Variants in CNTLN observed in about 807,000 individuals in gnomAD.
CNTLN encodes centlein, centrosomal protein.
A neutral mutation model predicts 180.0 loss-of-function variants in CNTLN; 212 were observed. The observed-to-expected ratio is 1.18, with a 90% CI of 1.05 to 1.32. The LOEUF (loss-of-function observed/expected upper bound fraction) is 1.32. Ranked by LOEUF, CNTLN falls within the 40% of genes most tolerant of loss-of-function variation. The probability of loss-of-function intolerance (pLI) is 0.00; values close to 1 mark genes in which losing one functional copy is unlikely to be tolerated. For synonymous variants in CNTLN, 722 were observed against 563.1 expected, an observed-to-expected ratio of 1.28 and a Z score of -3.99; for missense variants, 2,095 against 1,610.9, an observed-to-expected ratio of 1.30 and a Z score of -5.14.
intron 18 of CNTLN, among the ~76,000 whole-genome samples, chr9:17,418,342 C>T (rs1252545590): frequency 1.3e-5 from 2 of 151,904 alleles, no homozygotes; most frequent in Admixed American, 1.3e-4. Flanking sequence ...ACTTAGAATT[C>T]TCTACTGATA....
chr9:17,468,086 T>C (rs568524266), intron 23 of CNTLN, among the ~76,000 whole-genome samples: 27 of 151,648 alleles, frequency 1.8e-4, no homozygotes, highest in Non-Finnish European at 3.7e-4. Context: ...TCAAGTCCTT[T>C]GCAGCAACTT....
At chr9:17,521,076 A>C in the CNTLN span, among the ~76,000 whole-genome samples, 102 of 152,316 alleles carry the variant, frequency 6.7e-4, no homozygotes, top group African/African-American at 2.4e-3. Context: ...TTTATCTGTA[A>C]GTAATCTAAC....
chr9:17,381,424 C>T (rs1237675583), intron 13 of CNTLN, among the ~76,000 whole-genome samples: 3 of 152,210 alleles, frequency 2.0e-5, no homozygotes, highest in Non-Finnish European at 4.4e-5. Context: ...CCTCCTCACT[C>T]AGTATAAAAT....
chr9:17,271,382 C>G (rs1330562510), intron 5 of CNTLN, among the ~76,000 whole-genome samples: 1 of 152,154 alleles, frequency 6.6e-6, no homozygotes, highest in Non-Finnish European at 1.5e-5. Context: ...ACCACCTGTA[C>G]TAAGGGGTGC....
chr9:17,441,703 A>G (rs1027663383), intron 18 of CNTLN, among the ~76,000 whole-genome samples: 2 of 152,144 alleles, frequency 1.3e-5, no homozygotes, highest in African/African-American at 4.8e-5. Flanking sequence ...TTTTTTCACC[A>G]TCAGTAATTA....
intron 25 of CNTLN, among the ~76,000 whole-genome samples, chr9:17,493,153 G>A (rs1322153081): frequency 6.6e-6 from 1 of 152,132 alleles, no homozygotes; most frequent in Admixed American, 6.5e-5. Flanking sequence ...GATAGAGGTG[G>A]TGATGGTTAC....
At chr9:17,169,671 G>T (rs534061754) in intron 2 of CNTLN, among the ~76,000 whole-genome samples, 15 of 152,082 alleles carry the variant, frequency 9.9e-5, no homozygotes, top group African/African-American at 3.4e-4. Flanking sequence ...TTTGCACATT[G>T]TGTATTCTTG....
chr9:17,335,044 A>G (rs933818066), intron 10 of CNTLN, among the ~76,000 whole-genome samples: 2 of 152,200 alleles, frequency 1.3e-5, no homozygotes, highest in Non-Finnish European at 2.9e-5. Flanking sequence ...TTCAAGTCAG[A>G]AGGCAAGAGA....
Position 17,342,376 on chromosome 9 carries a change from A to C in CNTLN, c.1818A>C (p.Glu606Asp). The change falls in exon 12 of 26, where the codon GAA becomes GAC. Residue 606 changes from glutamate to aspartate, a missense_variant. Transcript: ENST00000380647. ...CAGATCCCCAACAACTTCGACAAGA[A>C]GATTCTGACGCTGTGTGGAATGAAC... ...KRADPQQLRQ[E>D]DSDAVWNELA... is the part of the protein sequence containing the mutation. 1 of 1,612,408 alleles carries C rather than the reference A, an allele frequency of 6.2e-7. No individual in the cohort carries two copies.
intron 7 of CNTLN, 147 bp downstream of exon 7, chr9:17,298,499 C>T: frequency 7.5e-7 from 1 of 1,325,728 alleles, no homozygotes; most frequent in Non-Finnish European, 9.7e-7. Flanking sequence ...AAGGATGGTT[C>T]AATTTGATAA....
At chr9:17,166,450 T>C (rs1179369583) in intron 2 of CNTLN, among the ~76,000 whole-genome samples, 2 of 152,114 alleles carry the variant, frequency 1.3e-5, no homozygotes, top group Non-Finnish European at 2.9e-5. Context: ...TTAAAGGAAG[T>C]AATTCAAGAA....
chr9:17,240,242 T>C (rs1825402181), intron 5 of CNTLN, among the ~76,000 whole-genome samples: 1 of 152,194 alleles, frequency 6.6e-6, no homozygotes, highest in South Asian at 2.1e-4. Flanking sequence ...GTTTTAAATT[T>C]TCTCTTCAGA....
intron 18 of CNTLN, among the ~76,000 whole-genome samples, chr9:17,435,847 G>A (rs1041627277): frequency 3.9e-5 from 6 of 152,264 alleles, no homozygotes; most frequent in African/African-American, 1.2e-4. Context: ...ACACGTGTAA[G>A]CCATCGTGCC....
At chr9:17,357,604 TATATATATAAATACTAC>T (rs1282688172) in intron 12 of CNTLN, among the ~76,000 whole-genome samples, 3 of 100,846 alleles carry the variant, frequency 3.0e-5, no homozygotes, top group Non-Finnish European at 6.2e-5. Flanking sequence ...AAATACTACA[TATATATATAAATACTAC>T]ATATATATAT....
intron 5 of CNTLN, among the ~76,000 whole-genome samples, chr9:17,256,420 ATC>A (rs1826491781): frequency 2.6e-5 from 4 of 151,880 alleles, no homozygotes; most frequent in Admixed American, 2.6e-4. Flanking sequence ...CTTCTCCAAC[ATC>A]TGTTATTTTT....
chr9:17,188,161 T>C (rs946946008), intron 2 of CNTLN, among the ~76,000 whole-genome samples: 3 of 151,890 alleles, frequency 2.0e-5, no homozygotes, highest in Non-Finnish European at 4.4e-5. Context: ...CAGTTTTAAA[T>C]AAAGAACTTG....
intron 5 of CNTLN, among the ~76,000 whole-genome samples, chr9:17,253,504 T>G (rs1826281761): frequency 6.6e-6 from 1 of 151,704 alleles, no homozygotes; most frequent in African/African-American, 2.4e-5. Flanking sequence ...TAATCCCAGA[T>G]ATTTATTTGT....
intron 2 of CNTLN, among the ~76,000 whole-genome samples, chr9:17,187,187 A>G (rs2131775298): frequency 6.6e-6 from 1 of 152,214 alleles, no homozygotes; most frequent in Middle Eastern, 3.4e-3. Flanking sequence ...AAGTTACATA[A>G]CTTCTAATTA....
chr9:17,282,488 C>T (rs1002468245), intron 6 of CNTLN, among the ~76,000 whole-genome samples: 1 of 151,970 alleles, frequency 6.6e-6, no homozygotes, highest in African/African-American at 2.4e-5. Flanking sequence ...GGATATTAGG[C>T]CTTTGTCAGA....
Sources: allele counts gnomAD v4.1 joint callset (sites outside exome capture counted in the v4.1 genomes callset), GRCh38; gene constraint gnomAD v4.1.1; transcripts MANE v1.5; gene names NCBI Gene and HGNC (gene_info 2026-07-23, HGNC 2026-07-21).